The following CACNA1C variants were observed in gnomAD, a reference collection of about 807,000 sequenced individuals.
CACNA1C encodes the protein voltage-dependent L-type calcium channel subunit alpha-1C.
Under a neutral mutation model 229.0 loss-of-function variants are expected in CACNA1C, and 30 were observed. The ratio of observed to expected loss-of-function variants is 0.13; its 90% CI spans 0.10 to 0.18. The LOEUF is 0.18. Ranked by LOEUF, CACNA1C falls within the 10% of genes least tolerant of loss-of-function variation. CACNA1C has a pLI of 1.00. For synonymous variants in CACNA1C, 1,114 were observed against 1,132.5 expected (o/e 0.98, Z 0.33); for missense variants, 1,658 against 2,845.0 (o/e 0.58, Z 9.49).
In CACNA1C at chr12:2,106,399, G is replaced by T. The variant is rs12811780; in HGVS notation, c.50-8825G>T. ...CCCACCCCGGGGAGGGTTTCCACCT[G>T]AGCTGGGCGTCCTGAAGCCACTGGG... is the stretch of plus-strand genomic sequence containing the variant. On this transcript the variant is annotated intron_variant, in intron 1 of 46. Coordinates refer to ENST00000399655, the MANE Select transcript of CACNA1C (RefSeq NM_000719.7). Among the ~76,000 whole-genome samples the T allele has an allele frequency of 5.6e-3, 145 of 25,870 alleles. 1 individual carries two copies. The highest frequency in any genetic ancestry group is 0.021 in the African/African-American group (139 of 6,620). The allele number at this position is 25,870 out of a possible 152,430, so 17.0% of individuals were successfully genotyped here. A position where few individuals can be genotyped will look rare whatever the true frequency, so the allele number is the denominator to read the frequency against.
chr12:2,396,777 G>A (rs2098591695), intron 3 of CACNA1C, among the ~76,000 whole-genome samples: 1 of 152,244 alleles, frequency 6.6e-6, no homozygotes, highest in Non-Finnish European at 1.5e-5. Flanking sequence ...GTTTTCTAAA[G>A]GCATGGGGCC....
intron 11 of CACNA1C, among the ~76,000 whole-genome samples, chr12:2,565,853 G>T (rs1195667558): frequency 6.6e-6 from 1 of 152,202 alleles, no homozygotes; most frequent in Non-Finnish European, 1.5e-5. Context: ...CACAGTCAGG[G>T]CCAAGAGGCT....
chr12:2,273,933 T>C (rs951971661), intron 3 of CACNA1C, among the ~76,000 whole-genome samples: 5 of 152,206 alleles, frequency 3.3e-5, no homozygotes, highest in African/African-American at 9.6e-5. Flanking sequence ...TGGGTGGCTG[T>C]TGACCGACTG....
Position 2,307,211 on chromosome 12 carries a change from T to G in CACNA1C, c.478-141765T>G, listed in dbSNP as rs540713966. Among the ~76,000 whole-genome samples, 113 of 152,358 alleles carry G rather than the reference T, an allele frequency of 7.4e-4. 1 individual carries two copies. The highest frequency in any genetic ancestry group is 2.7e-3 in the African/African-American group (112 of 41,586). ...GCCCAGAGGACTCAGAGTTGTGTTCTTTGGTCCTCTGGGATCCAGTAGGGC... is the reference window on the plus strand; with the variant it reads ...GCCCAGAGGACTCAGAGTTGTGTTCGTTGGTCCTCTGGGATCCAGTAGGGC... On this transcript the variant is annotated intron_variant, in intron 3 of 46. Coordinates refer to ENST00000399655, the MANE Select transcript of CACNA1C (RefSeq NM_000719.7).
At chr12:2,386,309 G>A (rs181966000) in intron 3 of CACNA1C, among the ~76,000 whole-genome samples, 56 of 152,130 alleles carry the variant, frequency 3.7e-4, no homozygotes, top group Non-Finnish European at 4.7e-4. Context: ...AAGCTCCTCC[G>A]GTTGATTCTG....
intron 32 of CACNA1C, among the ~76,000 whole-genome samples, chr12:2,652,372 C>G (rs1435273970): frequency 6.6e-6 from 1 of 152,230 alleles, no homozygotes; most frequent in Non-Finnish European, 1.5e-5. Context: ...GACAATCAGC[C>G]CCTGCCAGCT....
chr12:2,611,128 G>A (rs922697496), intron 28 of CACNA1C, among the ~76,000 whole-genome samples: 1 of 149,434 alleles, frequency 6.7e-6, no homozygotes, highest in Non-Finnish European at 1.5e-5. Context: ...GGAGAAGGGA[G>A]GGATGAGCTG....
chr12:2,480,689 TAAACCC>T (rs1354082880), intron 5 of CACNA1C, among the ~76,000 whole-genome samples: 1 of 152,226 alleles, frequency 6.6e-6, no homozygotes, highest in Non-Finnish European at 1.5e-5. Flanking sequence ...ACCAACCCCC[TAAACCC>T]AAACTTCTCT....
intron 1 of CACNA1C, among the ~76,000 whole-genome samples, chr12:2,035,393 C>G (rs972871621): frequency 2.0e-5 from 3 of 152,236 alleles, no homozygotes; most frequent in Non-Finnish European, 4.4e-5. Flanking sequence ...GCAAGAGGGG[C>G]AGTCATGAGG....
Position 2,556,880 on chromosome 12 carries a change from G to T in CACNA1C, c.1482-71G>T. On this transcript the variant is annotated intron_variant, in intron 10 of 46. Coordinates refer to ENST00000399655, the MANE Select transcript of CACNA1C (RefSeq NM_000719.7). ...TACCTGGGGAACATCAAATTTCCCTGGGACTGTTGACCGTCTTTTAAATGC... is the reference window on the plus strand; with the variant it reads ...TACCTGGGGAACATCAAATTTCCCTTGGACTGTTGACCGTCTTTTAAATGC... The T allele has an allele frequency of 3.1e-6, 4 of 1,289,426 alleles. No individual in the cohort carries two copies. In the South Asian group the frequency reaches 4.7e-5, roughly 15 times the overall value. The allele number at this position is 1,289,426 out of a possible 1,614,324, so 79.9% of individuals were successfully genotyped here. A position where few individuals can be genotyped will look rare whatever the true frequency, so the allele number is the denominator to read the frequency against.
At chr12:2,106,432 C>G (rs2078620744) in intron 1 of CACNA1C, among the ~76,000 whole-genome samples, 1 of 92,308 alleles carries the variant, frequency 1.1e-5, no homozygotes, top group South Asian at 3.9e-4. Context: ...GGGCGCCCAC[C>G]CTGGGGAGGG....
intron 18 of CACNA1C, among the ~76,000 whole-genome samples, chr12:2,586,435 G>C (rs901522158): frequency 6.6e-6 from 1 of 152,124 alleles, no homozygotes; most frequent in Non-Finnish European, 1.5e-5. Context: ...ACCTAAATTG[G>C]CAGGCAGTCT....
At chr12:2,457,521 A>G in intron 4 of CACNA1C, 46 bp from the exon 5 acceptor site, 2 of 1,582,362 alleles carry the variant, frequency 1.3e-6, no homozygotes, top group Non-Finnish European at 8.6e-7. Context: ...AGCTGGGCAA[A>G]AGAAAACCCA....
intron 15 of CACNA1C, among the ~76,000 whole-genome samples, chr12:2,584,002 C>G (rs956991902): frequency 1.3e-5 from 2 of 152,214 alleles, no homozygotes; most frequent in Non-Finnish European, 2.9e-5. Flanking sequence ...ACTGTCTCCA[C>G]TGGGAACTCC....
chr12:2,558,636 C>A (rs1325700961), intron 11 of CACNA1C, among the ~76,000 whole-genome samples: 1 of 152,204 alleles, frequency 6.6e-6, no homozygotes, highest in Non-Finnish European at 1.5e-5. Context: ...CCAGGGTCTG[C>A]CGAGGCACTC....
At chr12:2,572,591 T>C (rs370766225) in intron 13 of CACNA1C, among the ~76,000 whole-genome samples, 101 of 10,082 alleles carry the variant, frequency 0.01, no homozygotes, top group East Asian at 0.016. Flanking sequence ...TCCTCCTCCT[T>C]CTCCTCTCCT....
intron 3 of CACNA1C, among the ~76,000 whole-genome samples, chr12:2,206,141 C>A (rs1471115114): frequency 6.6e-6 from 1 of 152,076 alleles, no homozygotes; most frequent in African/African-American, 2.4e-5. Flanking sequence ...GGGATGGCTC[C>A]GCGTAAACCG....
At chr12:2,096,732 A>T (rs1365010505) in intron 1 of CACNA1C, among the ~76,000 whole-genome samples, 4 of 151,906 alleles carry the variant, frequency 2.6e-5, no homozygotes, top group Non-Finnish European at 4.4e-5. Context: ...ATAACCATTA[A>T]CTCCCATTTT....
intron 15 of CACNA1C, 50 bp downstream of exon 15, chr12:2,582,992 G>A: frequency 7.3e-7 from 1 of 1,363,582 alleles, no homozygotes; most frequent in Non-Finnish European, 1.0e-6. Flanking sequence ...CCCCCAGCCT[G>A]CAGCACAGTG....
Sources: gnomAD v4.1 joint callset for allele counts (sites outside exome capture counted in the v4.1 genomes callset) on GRCh38, gnomAD v4.1.1 for gene constraint, MANE v1.5 for transcripts, NCBI Gene and HGNC (gene_info 2026-07-23, HGNC 2026-07-21) for gene names.